Variants in CTNNA2 observed in about 807,000 individuals in gnomAD.
The protein encoded by CTNNA2 is catenin alpha 2, also known as catenin alpha-2.
A neutral mutation model predicts 101.0 loss-of-function variants in CTNNA2; 42 were observed. The ratio of observed to expected loss-of-function variants is 0.42; its 90% confidence interval spans 0.32 to 0.54. The LOEUF (loss-of-function observed/expected upper bound fraction) is 0.54, where lower values mean the gene tolerates loss of function less well. CTNNA2 is among the 20% of genes least tolerant of loss of function. The pLI, the probability that CTNNA2 is intolerant of heterozygous loss-of-function variation, is 0.14. For synonymous variants in CTNNA2, 450 were observed against 456.4 expected (o/e 0.99, Z 0.18); for missense variants, 871 against 1,223.1 (o/e 0.71, Z 4.29).
At chr2:79,484,457 G>A (rs1328122017) in intron 4 of CTNNA2, among the ~76,000 whole-genome samples, 1 of 151,974 alleles carries the variant, frequency 6.6e-6, no homozygotes, top group Non-Finnish European at 1.5e-5. Context: ...ACAAAACAGA[G>A]GATTCCTCCC....
At chr2:79,224,269 A>G (rs17016618) in intron 2 of CTNNA2, among the ~76,000 whole-genome samples, 3,593 of 152,268 alleles carry the variant, frequency 0.024, 152 homozygotes, top group East Asian at 0.16. Flanking sequence ...ATCAAAATGA[A>G]TCTGTTAATT....
chr2:80,103,220 A>C (rs1357633007), intron 7 of CTNNA2, among the ~76,000 whole-genome samples: 1 of 152,156 alleles, frequency 6.6e-6, no homozygotes, highest in East Asian at 1.9e-4. Context: ...GAGGCTGAAA[A>C]GTCCCAGATT....
chr2:79,982,358 C>CTGTATAACA (rs1553421123), intron 7 of CTNNA2, among the ~76,000 whole-genome samples: 2 of 132,500 alleles, frequency 1.5e-5, no homozygotes, highest in East Asian at 2.2e-4. Flanking sequence ...CCTATATAAC[C>CTGTATAACA]TATATAACAT....
intron 7 of CTNNA2, among the ~76,000 whole-genome samples, chr2:80,313,854 A>T (rs2149233319): frequency 6.6e-6 from 1 of 152,328 alleles, no homozygotes; most frequent in East Asian, 1.9e-4. Flanking sequence ...ATGAGATACT[A>T]TGTGGGCTAT....
chr2:80,542,253 G>GTATA (rs35573049), intron 9 of CTNNA2, among the ~76,000 whole-genome samples: 21 of 151,314 alleles, frequency 1.4e-4, no homozygotes, highest in African/African-American at 3.6e-4. Context: ...ATATTTATGT[G>GTATA]TATATATATA....
intron 7 of CTNNA2, among the ~76,000 whole-genome samples, chr2:80,199,182 GAAAAAAAAA>G (rs70940076): frequency 9.3e-3 from 372 of 40,070 alleles, no homozygotes; most frequent in African/African-American, 0.03. Flanking sequence ...CTCCATCTCA[GAAAAAAAAA>G]AAAAAAAAAA....
intron 1 of CTNNA2, among the ~76,000 whole-genome samples, chr2:79,637,182 A>G (rs572158629): frequency 1.8e-4 from 28 of 152,154 alleles, no homozygotes; most frequent in Non-Finnish European, 3.5e-4. Flanking sequence ...GGTGAAGGAT[A>G]TATATATTTT....
chr2:79,956,868 T>TTC (rs1276504498), intron 7 of CTNNA2, among the ~76,000 whole-genome samples: 1 of 120,070 alleles, frequency 8.3e-6, no homozygotes, highest in East Asian at 2.5e-4. Flanking sequence ...TTTTTTTTTT[T>TTC]CAGTGTATGA....
rs533504727 is a variant in CTNNA2, at chr2:80,576,714, C to T, written c.1893+2400C>T. On this transcript the variant is annotated intron_variant, in intron 13 of 18. Coordinates refer to ENST00000402739, the MANE Select transcript of CTNNA2 (RefSeq NM_001282597.3). ...AATATGTATTGTTTTTTGGGGGAGCCGAGGCAGGTGGATCACCTGAGGTCG... is the reference window on the plus strand; with the variant it reads ...AATATGTATTGTTTTTTGGGGGAGCTGAGGCAGGTGGATCACCTGAGGTCG... Among the ~76,000 whole-genome samples, 23 of 145,022 alleles carry T rather than the reference C, an allele frequency of 1.6e-4. 2 individuals are homozygous for T. The highest frequency in any genetic ancestry group is 4.8e-4 in the African/African-American group (19 of 39,214).
chr2:79,332,218 G>C (rs778543019), intron 3 of CTNNA2, among the ~76,000 whole-genome samples: 1 of 151,340 alleles, frequency 6.6e-6, no homozygotes, highest in Non-Finnish European at 1.5e-5. Flanking sequence ...ACAGAATAAA[G>C]GATAGTATTT....
At chr2:79,529,918 A>G (rs776263088) in intron 1 of CTNNA2, among the ~76,000 whole-genome samples, 1 of 151,858 alleles carries the variant, frequency 6.6e-6, no homozygotes, top group Non-Finnish European at 1.5e-5. Context: ...TCCTTGGTGG[A>G]CTAGGATTGT....
chr2:80,305,403 G>A, intron 7 of CTNNA2: 1 of 982,284 alleles, frequency 1.0e-6, no homozygotes, highest in Non-Finnish European at 1.2e-6. Flanking sequence ...GGGGTACAGA[G>A]TGGATTAAAG....
intron 5 of CTNNA2, among the ~76,000 whole-genome samples, chr2:79,873,268 A>G (rs1682729244): frequency 6.6e-6 from 1 of 152,098 alleles, no homozygotes. Context: ...GGCCCATGCA[A>G]TCAATTTACC....
intron 16 of CTNNA2, among the ~76,000 whole-genome samples, chr2:80,607,034 G>T (rs895331400): frequency 6.6e-6 from 1 of 151,856 alleles, no homozygotes; most frequent in Admixed American, 6.6e-5. Flanking sequence ...TACCACAATG[G>T]TAAGTGTTAA....
intron 7 of CTNNA2, among the ~76,000 whole-genome samples, chr2:80,166,297 C>T (rs917185320): frequency 1.3e-5 from 2 of 152,124 alleles, no homozygotes; most frequent in Non-Finnish European, 2.9e-5. Flanking sequence ...GAACTTTCAC[C>T]CCCACTCTAC....
intron 4 of CTNNA2, among the ~76,000 whole-genome samples, chr2:79,497,836 T>C (rs1671276078): frequency 6.6e-6 from 1 of 152,242 alleles, no homozygotes. Context: ...ACTTTATATA[T>C]AAATTTCAAG....
intron 3 of CTNNA2, among the ~76,000 whole-genome samples, chr2:79,812,151 G>T (rs985180672): frequency 7.9e-5 from 12 of 152,090 alleles, no homozygotes; most frequent in African/African-American, 2.2e-4. Flanking sequence ...GATTCTTTGA[G>T]ATTTTTCTAC....
intron 2 of CTNNA2, among the ~76,000 whole-genome samples, chr2:79,246,802 T>A (rs963173540): frequency 2.6e-5 from 4 of 152,172 alleles, no homozygotes; most frequent in Middle Eastern, 3.2e-3. Flanking sequence ...GAGAAGGAAG[T>A]TTTTATGATT....
intron 3 of CTNNA2, among the ~76,000 whole-genome samples, chr2:79,850,601 T>C (rs1359294671): frequency 6.6e-6 from 1 of 152,170 alleles, no homozygotes; most frequent in Non-Finnish European, 1.5e-5. Flanking sequence ...AAGATATTTC[T>C]AAAGCACTGG....
Sources: gnomAD v4.1 joint callset for allele counts (sites outside exome capture counted in the v4.1 genomes callset) on GRCh38, gnomAD v4.1.1 for gene constraint, MANE v1.5 for transcripts, NCBI Gene and HGNC (gene_info 2026-07-23, HGNC 2026-07-21) for gene names.